Variants in MALRD1 observed in about 807,000 individuals in gnomAD.
The protein encoded by MALRD1 is MAM and LDL-receptor class A domain-containing protein 1.
A neutral mutation model predicts 242.1 loss-of-function variants in MALRD1; 247 were observed. The observed-to-expected ratio is 1.02, with a 90% CI of 0.92 to 1.13. MALRD1 has a LOEUF of 1.13. Ranked by LOEUF, MALRD1 falls within the 50% of genes most tolerant of loss-of-function variation. The probability of loss-of-function intolerance (pLI) is 0.00; values close to 1 mark genes in which losing one functional copy is unlikely to be tolerated. For missense variants in MALRD1, 2,989 were observed against 2,533.1 expected, an observed-to-expected ratio of 1.18 and a Z score of -3.86; for synonymous variants, 995 against 866.6, an observed-to-expected ratio of 1.15 and a Z score of -2.60.
chr10:19,195,688 C>T (rs912675223), intron 14 of MALRD1, among the ~76,000 whole-genome samples: 1 of 152,154 alleles, frequency 6.6e-6, no homozygotes, highest in Non-Finnish European at 1.5e-5. Context: ...TTTAACTCCA[C>T]CCTTTTCCTT....
At chr10:19,142,669 C>T (rs1039818281) in intron 10 of MALRD1, among the ~76,000 whole-genome samples, 2 of 152,116 alleles carry the variant, frequency 1.3e-5, no homozygotes, top group African/African-American at 4.8e-5. Context: ...ATAAAGGCAA[C>T]TAAGTAATCA....
chr10:19,661,141 G>T (rs1167820693), intron 36 of MALRD1, among the ~76,000 whole-genome samples: 1 of 152,166 alleles, frequency 6.6e-6, no homozygotes, highest in Non-Finnish European at 1.5e-5. Flanking sequence ...AACAACAGGT[G>T]CTGGAGAGGA....
chr10:19,565,214 A>G (rs1256586716), intron 32 of MALRD1, among the ~76,000 whole-genome samples: 2 of 152,104 alleles, frequency 1.3e-5, no homozygotes, highest in East Asian at 3.9e-4. Flanking sequence ...GGGGAGGGAA[A>G]GTCATGGTGT....
chr10:19,596,679 T>C (rs921477635), intron 34 of MALRD1, among the ~76,000 whole-genome samples: 2 of 151,872 alleles, frequency 1.3e-5, no homozygotes, highest in Non-Finnish European at 2.9e-5. Context: ...TGCAGTGAAC[T>C]ATGATTGTGC....
At chr10:19,229,037 T>C (rs1186822846) in intron 18 of MALRD1, among the ~76,000 whole-genome samples, 1 of 151,958 alleles carries the variant, frequency 6.6e-6, no homozygotes, top group African/African-American at 2.4e-5. Flanking sequence ...AAAAATTTTA[T>C]TGGGGTTTTG....
intron 29 of MALRD1, among the ~76,000 whole-genome samples, chr10:19,452,510 C>G (rs778872501): frequency 1.3e-5 from 2 of 152,148 alleles, no homozygotes; most frequent in Non-Finnish European, 2.9e-5. Context: ...ACATTTAATA[C>G]ATTTTCAGAA....
At chr10:19,487,944 G>A (rs1357684403) in intron 29 of MALRD1, among the ~76,000 whole-genome samples, 1 of 152,088 alleles carries the variant, frequency 6.6e-6, no homozygotes, top group Non-Finnish European at 1.5e-5. Flanking sequence ...TGCACTTTTA[G>A]TCAAGTCTGT....
intron 29 of MALRD1, among the ~76,000 whole-genome samples, chr10:19,475,248 T>C (rs1196931144): frequency 6.6e-6 from 1 of 152,118 alleles, no homozygotes; most frequent in African/African-American, 2.4e-5. Context: ...ACCCCGTCTC[T>C]ACTAAAAATA....
At chr10:19,384,887 A>T (rs1205472506) in intron 26 of MALRD1, among the ~76,000 whole-genome samples, 1 of 151,010 alleles carries the variant, frequency 6.6e-6, no homozygotes, top group Non-Finnish European at 1.5e-5. Context: ...GTTGAGTGTG[A>T]TGTTTTATTT....
At chr10:19,293,140 T>C (rs1305208128) in intron 21 of MALRD1, among the ~76,000 whole-genome samples, 1 of 152,160 alleles carries the variant, frequency 6.6e-6, no homozygotes, top group African/African-American at 2.4e-5. Context: ...AGCCATAACA[T>C]TCTCCCAGCA....
chr10:19,277,804 C>G (rs928304816), intron 19 of MALRD1, among the ~76,000 whole-genome samples: 10 of 152,182 alleles, frequency 6.6e-5, no homozygotes, highest in African/African-American at 2.4e-4. Context: ...CCCAGATTCC[C>G]AACAGCATGT....
intron 1 of MALRD1, among the ~76,000 whole-genome samples, chr10:19,057,734 C>A (rs945009416): frequency 6.6e-6 from 1 of 151,970 alleles, no homozygotes; most frequent in African/African-American, 2.4e-5. Context: ...CATTCTAGTA[C>A]AAAATCTAGC....
At chr10:19,335,197 T>G (rs7912823) in intron 24 of MALRD1, among the ~76,000 whole-genome samples, 20,463 of 149,754 alleles carry the variant, frequency 0.14, 1,452 homozygotes, top group South Asian at 0.15. Context: ...TTTTTGTTTT[T>G]TTTTTTTTTT....
chr10:19,290,731 G>A (rs1222852447), intron 21 of MALRD1, among the ~76,000 whole-genome samples: 2 of 152,128 alleles, frequency 1.3e-5, no homozygotes, highest in Non-Finnish European at 2.9e-5. Context: ...CTCTTCAGCT[G>A]AGAAATTTTT....
intron 21 of MALRD1, among the ~76,000 whole-genome samples, chr10:19,285,159 G>C (rs1841044938): frequency 7.0e-6 from 1 of 142,290 alleles, no homozygotes; most frequent in Admixed American, 7.1e-5. Flanking sequence ...TTAGCCCTTT[G>C]TCAGATGAGT....
At chr10:19,088,581 A>AT (rs1236815851) in intron 4 of MALRD1, among the ~76,000 whole-genome samples, 33 of 52,168 alleles carry the variant, frequency 6.3e-4, no homozygotes, top group African/African-American at 1.8e-3. Flanking sequence ...TTATTTATTT[A>AT]TTTATTTATT....
chr10:19,417,837 A>G (rs1471791440), intron 28 of MALRD1, among the ~76,000 whole-genome samples: 1 of 152,172 alleles, frequency 6.6e-6, no homozygotes, highest in Non-Finnish European at 1.5e-5. Flanking sequence ...TGCATGTAAC[A>G]TGGTATGGAT....
intron 18 of MALRD1, among the ~76,000 whole-genome samples, chr10:19,236,086 C>G (rs1245745998): frequency 6.6e-6 from 1 of 152,088 alleles, no homozygotes; most frequent in Non-Finnish European, 1.5e-5. Context: ...GGTGACTACT[C>G]GAGGAGTTCA....
At chr10:19,252,092 T>A (rs1460631097) in intron 18 of MALRD1, among the ~76,000 whole-genome samples, 1 of 152,042 alleles carries the variant, frequency 6.6e-6, no homozygotes, top group Non-Finnish European at 1.5e-5. Flanking sequence ...CATAGTTCTT[T>A]ACAGCAATGT....
Sources: allele counts gnomAD v4.1 joint callset (sites outside exome capture counted in the v4.1 genomes callset), GRCh38; gene constraint gnomAD v4.1.1; transcripts MANE v1.5; gene names NCBI Gene and HGNC (gene_info 2026-07-23, HGNC 2026-07-21).